Variants in PTPRD observed in about 807,000 individuals in gnomAD.
The protein encoded by PTPRD is receptor-type tyrosine-protein phosphatase delta.
Under a neutral mutation model 214.5 loss-of-function variants are expected in PTPRD, and 34 were observed. That is an observed-to-expected ratio of 0.16 (90% confidence interval 0.12 to 0.21). PTPRD has a LOEUF of 0.21. Among genes scored for constraint, PTPRD ranks in the 10% least tolerant of loss-of-function variants. The pLI is 1.00. For missense variants in PTPRD, 2,545 were observed against 2,398.7 expected (o/e 1.06, Z -1.27); for synonymous variants, 1,128 against 845.7 (o/e 1.33, Z -5.79).
intron 9 of PTPRD, among the ~76,000 whole-genome samples, chr9:9,294,386 G>C (rs992694706): frequency 2.6e-5 from 4 of 151,610 alleles, no homozygotes; most frequent in Non-Finnish European, 5.9e-5. Flanking sequence ...TCATACTCAA[G>C]AAAGTAACTT....
In PTPRD at chr9:8,834,107, T is replaced by G. The variant is rs1601358137; in HGVS notation, c.-103-100161A>C. On this transcript the variant is annotated intron_variant, in intron 11 of 45. Transcript: ENST00000381196. The stretch of plus-strand genomic sequence containing the variant: ...AATCCTGGTAGAAATATAATGAATT[T>G]CTTCCCTTCATAGTCACCTACTTTC... Among the ~76,000 whole-genome samples the G allele has an allele frequency of 2.6e-5, 4 of 152,214 alleles. No homozygotes were observed. The East Asian group carries it at 7.7e-4, about 29-fold the overall frequency.
intron 3 of PTPRD, among the ~76,000 whole-genome samples, chr9:10,135,899 G>T (rs941062113): frequency 3.3e-5 from 5 of 150,282 alleles, no homozygotes; most frequent in Admixed American, 2.7e-4. Context: ...TGATGGAAAT[G>T]ATCTAAAAAC....
At chr9:9,419,786 G>A (rs1341105027) in intron 8 of PTPRD, among the ~76,000 whole-genome samples, 1 of 151,410 alleles carries the variant, frequency 6.6e-6, no homozygotes, top group Non-Finnish European at 1.5e-5. Flanking sequence ...ATGACTGCAA[G>A]GAAAACAAAA....
chr9:9,743,770 A>ACACACAC (rs371763537), intron 6 of PTPRD, among the ~76,000 whole-genome samples: 8 of 145,254 alleles, frequency 5.5e-5, no homozygotes, highest in East Asian at 2.0e-4. Flanking sequence ...ACACACACAC[A>ACACACAC]ATTTATACTG....
chr9:10,032,573 A>T (rs2097102853), intron 4 of PTPRD, among the ~76,000 whole-genome samples: 1 of 152,174 alleles, frequency 6.6e-6, no homozygotes, highest in African/African-American at 2.4e-5. Context: ...TTTTTTCCAC[A>T]TCAGCCACAT....
At chr9:9,441,577 C>T (rs1290887026) in intron 8 of PTPRD, among the ~76,000 whole-genome samples, 1 of 152,082 alleles carries the variant, frequency 6.6e-6, no homozygotes, top group African/African-American at 2.4e-5. Context: ...GAATGAGATA[C>T]TCATTTCAGG....
chr9:10,412,346 C>A (rs1290410092), intron 2 of PTPRD, among the ~76,000 whole-genome samples: 1 of 151,628 alleles, frequency 6.6e-6, no homozygotes, highest in East Asian at 2.0e-4. Context: ...CACACTCACC[C>A]TTCTAAGACT....
chr9:8,724,925 G>C (rs1488489103), intron 12 of PTPRD, among the ~76,000 whole-genome samples: 1 of 152,118 alleles, frequency 6.6e-6, no homozygotes, highest in Admixed American at 6.5e-5. Context: ...ATAACAGAGT[G>C]AGACCCTGTG....
chr9:8,756,970 G>C (rs989745789), intron 11 of PTPRD, among the ~76,000 whole-genome samples: 1 of 151,926 alleles, frequency 6.6e-6, no homozygotes, highest in East Asian at 1.9e-4. Context: ...GTGAAACCCT[G>C]TCTCTACTAA....
intron 7 of PTPRD, among the ~76,000 whole-genome samples, chr9:9,717,372 T>C (rs1445643971): frequency 6.6e-6 from 1 of 152,230 alleles, no homozygotes; most frequent in African/African-American, 2.4e-5. Context: ...AAGTAGTTTT[T>C]TCCAATTCTG....
intron 5 of PTPRD, among the ~76,000 whole-genome samples, chr9:9,924,174 C>A (rs1039504554): frequency 6.6e-6 from 1 of 151,878 alleles, no homozygotes; most frequent in Admixed American, 6.6e-5. Flanking sequence ...GGAAAAGAGT[C>A]CTGTAATTGG....
At chr9:9,296,525 T>A (rs1953112323) in intron 9 of PTPRD, among the ~76,000 whole-genome samples, 1 of 151,764 alleles carries the variant, frequency 6.6e-6, no homozygotes, top group South Asian at 2.1e-4. Flanking sequence ...TGATCATTTA[T>A]TCCTCCTCCT....
chr9:10,253,613 A>G (rs1375958947), intron 3 of PTPRD, among the ~76,000 whole-genome samples: 1 of 152,222 alleles, frequency 6.6e-6, no homozygotes, highest in Non-Finnish European at 1.5e-5. Flanking sequence ...TAAGGGCTGG[A>G]GGCTTTCAAC....
At chr9:9,884,416 T>A (rs774283510) in intron 5 of PTPRD, among the ~76,000 whole-genome samples, 1 of 152,162 alleles carries the variant, frequency 6.6e-6, no homozygotes, top group Non-Finnish European at 1.5e-5. Context: ...AGATTCTATC[T>A]CTGTAAGAAA....
intron 37 of PTPRD, among the ~76,000 whole-genome samples, chr9:8,387,306 C>T (rs1027270413): frequency 7.2e-5 from 11 of 152,110 alleles, no homozygotes; most frequent in South Asian, 4.1e-4. Context: ...CAATGCCTTC[C>T]GCCAAGAACT....
At chr9:8,337,692 C>T (rs1389776846) in intron 43 of PTPRD, among the ~76,000 whole-genome samples, 3 of 151,782 alleles carry the variant, frequency 2.0e-5, no homozygotes, top group East Asian at 2.0e-4. Context: ...CTTCCGGTTT[C>T]AATCTTCTTT....
At chr9:9,633,140 C>T (rs969743263) in intron 7 of PTPRD, among the ~76,000 whole-genome samples, 4 of 151,796 alleles carry the variant, frequency 2.6e-5, no homozygotes, top group African/African-American at 4.8e-5. Flanking sequence ...ACTAAAAATA[C>T]AAAAATTAAA....
intron 8 of PTPRD, among the ~76,000 whole-genome samples, chr9:9,546,104 G>A (rs1276126488): frequency 2.0e-5 from 3 of 151,466 alleles, no homozygotes; most frequent in Admixed American, 2.0e-4. Context: ...CTGGTATATA[G>A]AAATATATAG....
chr9:8,466,900 G>A (rs567292287), intron 31 of PTPRD, among the ~76,000 whole-genome samples: 1 of 151,862 alleles, frequency 6.6e-6, no homozygotes, highest in South Asian at 2.1e-4. Context: ...TGAGAGCCTG[G>A]CATGATCAAG....
Sources: allele counts gnomAD v4.1 joint callset (sites outside exome capture counted in the v4.1 genomes callset), GRCh38; gene constraint gnomAD v4.1.1; transcripts MANE v1.5; gene names NCBI Gene and HGNC (gene_info 2026-07-23, HGNC 2026-07-21).